The following SLC25A31 variants were observed in gnomAD, a reference collection of about 807,000 sequenced individuals.
SLC25A31 encodes the protein ADP/ATP translocase 4.
In SLC25A31, 40 loss-of-function variants were observed where a neutral mutation model predicts 36.2. The ratio of observed to expected loss-of-function variants is 1.10; its 90% CI spans 0.86 to 1.44. The LOEUF (loss-of-function observed/expected upper bound fraction) is 1.44, where lower values mean the gene tolerates loss of function less well. SLC25A31 is among the 40% of genes most tolerant of loss of function. SLC25A31 has a pLI of 0.00. For synonymous variants in SLC25A31, 143 were observed against 149.7 expected (o/e 0.96, Z 0.32); for missense variants, 350 against 397.1 (o/e 0.88, Z 1.01).
At chr4:127,770,396 G>T (rs555843414) in intron 5 of SLC25A31, among the ~76,000 whole-genome samples, 9 of 152,300 alleles carry the variant, frequency 5.9e-5, no homozygotes, top group African/African-American at 1.9e-4. Context: ...GGAGGCTGAG[G>T]CGGGTGGATC....
intron 2 of SLC25A31, among the ~76,000 whole-genome samples, chr4:127,759,212 GT>G (rs769362194): frequency 0.027 from 3,657 of 136,546 alleles, 59 homozygotes; most frequent in Admixed American, 0.044. Flanking sequence ...TATTCCTATG[GT>G]TTTTTTTTTT....
chr4:127,769,021 C>T, intron 5 of SLC25A31, 144 bp downstream of exon 5: 16 of 712,334 alleles, frequency 2.2e-5, no homozygotes, highest in Non-Finnish European at 3.3e-5. Context: ...TGTATTCTGT[C>T]TTATATTCTT....
At chr4:127,755,744 A>G (rs1170230928) in intron 2 of SLC25A31, among the ~76,000 whole-genome samples, 2 of 152,176 alleles carry the variant, frequency 1.3e-5, no homozygotes, top group Non-Finnish European at 2.9e-5. Flanking sequence ...TTAAAAAACT[A>G]AAAATAGGGC....
intron 1 of SLC25A31, 95 bp downstream of exon 1, chr4:127,730,872 C>A: frequency 8.5e-7 from 1 of 1,170,490 alleles, no homozygotes. Context: ...TTGTGGGCCC[C>A]ACAACCACAG....
intron 2 of SLC25A31, among the ~76,000 whole-genome samples, chr4:127,750,715 G>A (rs924250044): frequency 6.6e-5 from 10 of 151,912 alleles, no homozygotes; most frequent in African/African-American, 2.4e-4. Flanking sequence ...AGTGTTTTAT[G>A]TGAGCCCCAT....
intron 1 of SLC25A31, among the ~76,000 whole-genome samples, chr4:127,743,003 T>C (rs2148755490): frequency 6.6e-6 from 1 of 152,250 alleles, no homozygotes; most frequent in South Asian, 2.1e-4. Context: ...ATTATAATTT[T>C]AGAACTTTTC....
chr4:127,754,790 A>G (rs938001629), intron 2 of SLC25A31, among the ~76,000 whole-genome samples: 3 of 152,166 alleles, frequency 2.0e-5, no homozygotes, highest in Admixed American at 6.5e-5. Context: ...CAAAATTCCA[A>G]TGGCATTTTT....
At chr4:127,769,016 TC>T in intron 5 of SLC25A31, 139 bp downstream of exon 5, 1 of 751,876 alleles carries the variant, frequency 1.3e-6, no homozygotes, top group Non-Finnish European at 2.0e-6. Flanking sequence ...CATGATGTAT[TC>T]TGTCTTATAT....
At position 127,752,937 on chromosome 4, in the gene SLC25A31, A is replaced by G. The variant is rs550873626; in HGVS notation, c.360+8138A>G. 1.6e-4 allele frequency among the ~76,000 whole-genome samples: 25 copies of G among 152,332 alleles called. No homozygotes were observed. The South Asian group carries it at 5.2e-3, about 32-fold the overall frequency. On this transcript the variant is annotated intron_variant, in intron 2 of 5. Transcript: ENST00000281154. The stretch of plus-strand genomic sequence containing the variant: ...GAACATTCTATCCAAAACCTGCAGA[A>G]TACACATTTTCACAAGCATATATGC...
rs1404739018 is a variant in SLC25A31 at position 127,774,101 on chromosome 4, GATC to G, written c.*530_*532del. The G allele has an allele frequency of 6.6e-6, 1 of 152,078 alleles. No homozygotes were observed. The highest frequency in any genetic ancestry group is 1.5e-5 in the Non-Finnish European group (1 of 67,992). 9.4% of individuals were successfully genotyped at this position (152,078 alleles called of 1,614,324 possible). A position where few individuals can be genotyped will look rare whatever the true frequency, so the allele number is the denominator to read the frequency against. On this transcript the variant is annotated 3_prime_UTR_variant, in exon 6 of 6. Transcript: ENST00000281154. ...AGTATCAGCCTTTGATTATAGATGT[GATC>G]ATTTAAAATTTGATAATGACTTTAG...
At chr4:127,765,867 T>TA (rs1732231201) in intron 3 of SLC25A31, among the ~76,000 whole-genome samples, 1 of 152,146 alleles carries the variant, frequency 6.6e-6, no homozygotes, top group African/African-American at 2.4e-5. Context: ...TTTTTATTAA[T>TA]AAGAGGGTAA....
chr4:127,756,869 T>C (rs1732040564), intron 2 of SLC25A31, among the ~76,000 whole-genome samples: 1 of 152,208 alleles, frequency 6.6e-6, no homozygotes, highest in South Asian at 2.1e-4. Context: ...TGGTGGAATG[T>C]GAAATGGCAC....
rs77133039 is a variant in SLC25A31 at position 127,758,742 on chromosome 4, G to T, written c.361-5501G>T. ...TTGAATAGGGTGTCCTTTTCTTATT[G>T]TTTATTATTGTCAACTTTGTTAAAG... On this transcript the variant is annotated intron_variant, in intron 2 of 5. Transcript: ENST00000281154. 5.1e-3 allele frequency among the ~76,000 whole-genome samples: 781 copies of T among 152,228 alleles called. 7 individuals are homozygous for T. Among genetic ancestry groups the T allele is most frequent in the African/African-American group, 0.018 (753 of 41,534 alleles).
At chr4:127,744,264 G>T (rs1278542236) in intron 1 of SLC25A31, among the ~76,000 whole-genome samples, 1 of 152,142 alleles carries the variant, frequency 6.6e-6, no homozygotes, top group East Asian at 1.9e-4. Context: ...ATAAGTATGT[G>T]TACAAATCAG....
In SLC25A31 at chr4:127,774,050, T is replaced by C. The variant is rs1460474902; in HGVS notation, c.*476T>C. 1 of 152,364 alleles carries C rather than the reference T, an allele frequency of 6.6e-6. No individual in the cohort carries two copies. The highest frequency in any genetic ancestry group is 1.5e-5 in the Non-Finnish European group (1 of 68,180). 9.4% of individuals were successfully genotyped at this position (152,364 alleles called of 1,614,324 possible). On this transcript the variant is annotated 3_prime_UTR_variant, in exon 6 of 6. Transcript: ENST00000281154. Reference sequence around the variant, plus strand: ...TTGTTCTATATCTCTTCTAAGACAGTTGTTATTACTGTGTATAATATTTAC... The same window carrying C: ...TTGTTCTATATCTCTTCTAAGACAGCTGTTATTACTGTGTATAATATTTAC...
Position 127,730,584 on chromosome 4 carries a change from G to T in SLC25A31, c.39G>T (p.Arg13=). Residue 13 remains arginine (R), a synonymous_variant, in exon 1 of 6, where the codon CGG becomes CGT. Coordinates refer to ENST00000281154, the MANE Select transcript of SLC25A31 (RefSeq NM_031291.4). ...REPAKKKAEK[R]LFDASSFGKD... ...CTGCGAAAAAGAAGGCAGAAAAGCG[G>T]CTGTTTGACGCCTCATCCTTCGGGA... 2.5e-6 allele frequency: 4 copies of T among 1,614,048 alleles called. No individual in the cohort carries two copies. Among genetic ancestry groups the T allele is most frequent in the Non-Finnish European group, 3.4e-6 (4 of 1,179,898 alleles).
At chr4:127,742,813 TGA>T (rs1314216960) in intron 1 of SLC25A31, among the ~76,000 whole-genome samples, 1 of 152,222 alleles carries the variant, frequency 6.6e-6, no homozygotes, top group Non-Finnish European at 1.5e-5. Flanking sequence ...GATGCATCTG[TGA>T]GTGTTGGTAT....
At chr4:127,749,424 A>G (rs1289426559) in intron 2 of SLC25A31, among the ~76,000 whole-genome samples, 3 of 152,166 alleles carry the variant, frequency 2.0e-5, no homozygotes, top group African/African-American at 7.2e-5. Context: ...AGAGGACTCC[A>G]AGCAAGATTA....
intron 3 of SLC25A31, among the ~76,000 whole-genome samples, chr4:127,765,176 A>G: frequency 6.6e-6 from 1 of 152,176 alleles, no homozygotes; most frequent in East Asian, 1.9e-4. Context: ...ACAGTAAGTC[A>G]TTTGGCTGCT....
Sources: allele counts gnomAD v4.1 joint callset (sites outside exome capture counted in the v4.1 genomes callset), GRCh38; gene constraint gnomAD v4.1.1; transcripts MANE v1.5; gene names NCBI Gene and HGNC (gene_info 2026-07-23, HGNC 2026-07-21).